Variants in KANSL1 observed in about 807,000 individuals in gnomAD.
KANSL1 encodes KAT8 regulatory NSL complex subunit 1.
Under a neutral mutation model 103.6 loss-of-function variants are expected in KANSL1, and 22 were observed. The observed-to-expected ratio is 0.21, with a 90% CI of 0.15 to 0.30. KANSL1 has a LOEUF of 0.30. KANSL1 is among the 10% of genes least tolerant of loss of function. KANSL1 has a pLI of 1.00. For synonymous variants in KANSL1, 600 were observed against 527.6 expected (o/e 1.14, Z -1.88); for missense variants, 1,337 against 1,399.8 (o/e 0.96, Z 0.72).
At chr17:46,075,345 CTCTCTT>C (rs1208332926) in intron 4 of KANSL1, among the ~76,000 whole-genome samples, 1 of 112,732 alleles carries the variant, frequency 8.9e-6, no homozygotes, top group Non-Finnish European at 2.4e-5. Context: ...CACACACACT[CTCTCTT>C]TCTTTCTGAC....
intron 2 of KANSL1, among the ~76,000 whole-genome samples, chr17:46,131,551 G>T (rs1249825449): frequency 6.6e-6 from 1 of 152,180 alleles, no homozygotes; most frequent in Non-Finnish European, 1.5e-5. Flanking sequence ...CTGCCAAAAT[G>T]ATTACAATGA....
chr17:46,197,072 C>G (rs2047634571), upstream of KANSL1, among the ~76,000 whole-genome samples: 1 of 152,124 alleles, frequency 6.6e-6, no homozygotes, highest in Non-Finnish European at 1.5e-5. Flanking sequence ...CATGATCACG[C>G]CACTGCAAAC....
At chr17:46,106,992 G>A (rs2042594265) in intron 2 of KANSL1, among the ~76,000 whole-genome samples, 1 of 152,192 alleles carries the variant, frequency 6.6e-6, no homozygotes, top group Non-Finnish European at 1.5e-5. Context: ...ATAGAAAAGG[G>A]AAGGCAAACT....
At chr17:46,175,317 TG>T (rs2046469281) in intron 1 of KANSL1, among the ~76,000 whole-genome samples, 1 of 42,978 alleles carries the variant, frequency 2.3e-5, no homozygotes, top group African/African-American at 8.2e-5. Context: ...TTGCTGTGTG[TG>T]TGTGTGTGTG....
At chr17:46,149,137 G>A (rs1354893092) in intron 2 of KANSL1, among the ~76,000 whole-genome samples, 1 of 152,006 alleles carries the variant, frequency 6.6e-6, no homozygotes, top group African/African-American at 2.4e-5. Context: ...CAAGTAGCTG[G>A]GACTACAGGC....
chr17:46,046,814 G>C (rs1406940227), intron 7 of KANSL1, among the ~76,000 whole-genome samples: 2 of 145,272 alleles, frequency 1.4e-5, no homozygotes, highest in South Asian at 2.1e-4. Context: ...TCCAGCCTGG[G>C]TGACAGAGCA....
intron 2 of KANSL1, among the ~76,000 whole-genome samples, chr17:46,104,423 T>C (rs1337464402): frequency 2.6e-5 from 4 of 152,232 alleles, no homozygotes; most frequent in Non-Finnish European, 5.9e-5. Flanking sequence ...TCAAGCTTAG[T>C]TGGATCCTCT....
intron 8 of KANSL1, chr17:46,039,447 A>G: frequency 1.7e-6 from 1 of 604,478 alleles, no homozygotes; most frequent in Non-Finnish European, 2.8e-6. Context: ...CCGTAGATGA[A>G]CTCAATGCCA....
intron 2 of KANSL1, among the ~76,000 whole-genome samples, chr17:46,110,088 G>A (rs2042737654): frequency 6.6e-6 from 1 of 152,090 alleles, no homozygotes; most frequent in South Asian, 2.1e-4. Context: ...CACAGTAACT[G>A]TTCATCTTAA....
chr17:46,123,132 T>A (rs757670190), intron 2 of KANSL1, among the ~76,000 whole-genome samples: 1 of 152,218 alleles, frequency 6.6e-6, no homozygotes, highest in Non-Finnish European at 1.5e-5. Flanking sequence ...ATCCCAACAC[T>A]TTGGGAGGCG....
At chr17:46,197,283 C>G (rs2047643585), upstream of KANSL1, among the ~76,000 whole-genome samples, 1 of 152,210 alleles carries the variant, frequency 6.6e-6, no homozygotes, top group African/African-American at 2.4e-5. Flanking sequence ...CTCTCCAATC[C>G]ACCTACAACT....
intron 1 of KANSL1, among the ~76,000 whole-genome samples, chr17:46,173,418 C>G (rs2046378000): frequency 6.6e-6 from 1 of 152,172 alleles, no homozygotes; most frequent in Non-Finnish European, 1.5e-5. Flanking sequence ...ATTTAGTAAC[C>G]AAGCTAAAAA....
chr17:46,066,059 T>C (rs1270647047), intron 6 of KANSL1, among the ~76,000 whole-genome samples: 1 of 152,156 alleles, frequency 6.6e-6, no homozygotes, highest in Non-Finnish European at 1.5e-5. Context: ...GGTCTCACTA[T>C]ATTTTCCAGG....
chr17:46,175,166 G>T (rs2046458394), intron 1 of KANSL1, among the ~76,000 whole-genome samples: 1 of 152,086 alleles, frequency 6.6e-6, no homozygotes, highest in Non-Finnish European at 1.5e-5. Context: ...TACCAACACA[G>T]GATGGTAGGC....
At chr17:46,139,870 G>A (rs2044334109) in intron 2 of KANSL1, among the ~76,000 whole-genome samples, 1 of 152,120 alleles carries the variant, frequency 6.6e-6, no homozygotes, top group South Asian at 2.1e-4. Context: ...AAAGAAAAAG[G>A]AGAGAGGGAA....
At chr17:46,123,033 A>G (rs2043352703) in intron 2 of KANSL1, among the ~76,000 whole-genome samples, 1 of 152,266 alleles carries the variant, frequency 6.6e-6, no homozygotes, top group African/African-American at 2.4e-5. Flanking sequence ...ATCAAAAGCT[A>G]GAAATAGACA....
chr17:46,088,595 T>G (rs932952514), intron 3 of KANSL1: 2 of 152,162 alleles, frequency 1.3e-5, no homozygotes, highest in Non-Finnish European at 2.9e-5. Context: ...AAGAGGAGAT[T>G]TTAAAAAACA....
intron 6 of KANSL1, among the ~76,000 whole-genome samples, chr17:46,062,901 A>T (rs1190797354): frequency 1.3e-5 from 2 of 151,666 alleles, no homozygotes; most frequent in Non-Finnish European, 2.9e-5. Flanking sequence ...AATACAAAAA[A>T]TAGCTGGGCG....
At chr17:46,210,487 A>AG (rs1182077728) in intron 1 of KANSL1, among the ~76,000 whole-genome samples, 13,655 of 145,452 alleles carry the variant, frequency 0.094, 240 homozygotes, top group Non-Finnish European at 0.15. Context: ...AAAAAAAAAA[A>AG]AAAAAAAAAA....
Sources: allele counts gnomAD v4.1 joint callset (sites outside exome capture counted in the v4.1 genomes callset), GRCh38; gene constraint gnomAD v4.1.1; transcripts MANE v1.5; gene names NCBI Gene and HGNC (gene_info 2026-07-23, HGNC 2026-07-21).